Variants in SYNE1 observed in about 807,000 individuals in gnomAD.
SYNE1 encodes the protein nesprin-1.
In SYNE1, 616 loss-of-function variants were observed where a neutral mutation model predicts 1,111.0. The ratio of observed to expected loss-of-function variants is 0.55; its 90% confidence interval spans 0.52 to 0.59. SYNE1 has a LOEUF of 0.59. Among genes scored for constraint, SYNE1 ranks in the 20% least tolerant of loss-of-function variants. The pLI is 0.00. For synonymous variants in SYNE1, 3,855 were observed against 3,825.8 expected, an observed-to-expected ratio of 1.01 and a Z score of -0.28; for missense variants, 10,006 against 10,417.0, an observed-to-expected ratio of 0.96 and a Z score of 1.72.
intron 75 of SYNE1, among the ~76,000 whole-genome samples, chr6:152,337,490 C>G (rs546474072): frequency 6.6e-6 from 1 of 152,106 alleles, no homozygotes. Flanking sequence ...GGTTTCTCTA[C>G]GTTGGTCAGG....
In SYNE1 at chr6:152,136,817, T is replaced by G. The variant is rs775455354; in HGVS notation, c.25460A>C (p.Glu8487Ala). The G allele has an allele frequency of 6.2e-7, 1 of 1,614,012 alleles. No individual in the cohort carries two copies. The highest frequency in any genetic ancestry group is 8.5e-7 in the Non-Finnish European group (1 of 1,179,982). Reference protein sequence around the residue: ...TIELQIKKLKELQKAVDHRKA... With the variant: ...TIELQIKKLKALQKAVDHRKA... ...GCGGTGGTCCACAGCTTTCTGGAGC[T>G]CCTGAAAAGAACAAAAAAGACAATC... Residue 8487 changes from glutamate (E) to alanine (A), a missense_variant and splice_region_variant, in exon 141 of 146, where the codon GAG (glutamate) becomes GCG (alanine). Glu to Ala is a moderately radical substitution (Grantham distance 107, BLOSUM62 -1). This residue lies in a region of SYNE1 where 761 missense variants were observed against 795.5 expected (regional missense o/e 0.96). Transcript: ENST00000367255.
chr6:152,595,688 G>T (rs2099579021), intron 3 of SYNE1, among the ~76,000 whole-genome samples: 1 of 152,162 alleles, frequency 6.6e-6, no homozygotes, highest in African/African-American at 2.4e-5. Context: ...TAACAGAGCT[G>T]TTGTGGGAAA....
At chr6:152,254,728 C>A in intron 104 of SYNE1, 152 bp downstream of exon 104, 1 of 803,636 alleles carries the variant, frequency 1.2e-6, no homozygotes. Flanking sequence ...GCTTCTAATC[C>A]TTTAATTCAA....
At chr6:152,479,086 G>A (rs1288804227) in intron 14 of SYNE1, among the ~76,000 whole-genome samples, 1 of 152,150 alleles carries the variant, frequency 6.6e-6, no homozygotes, top group African/African-American at 2.4e-5. Flanking sequence ...GGAGAGGAAG[G>A]TACTTGACAA....
At chr6:152,338,208 A>G (rs1167473721) in intron 75 of SYNE1, among the ~76,000 whole-genome samples, 1 of 152,212 alleles carries the variant, frequency 6.6e-6, no homozygotes, top group Admixed American at 6.5e-5. Flanking sequence ...TTAAAAACAG[A>G]TTTGATAATA....
Position 152,313,961 on chromosome 6 carries a change from G to C in SYNE1, c.16710+2888C>G, listed in dbSNP as rs114812963. Among the ~76,000 whole-genome samples the C allele has an allele frequency of 2.5e-3, 386 of 152,164 alleles. 2 individuals are homozygous for C. Among genetic ancestry groups the C allele is most frequent in the African/African-American group, 8.7e-3 (363 of 41,536 alleles). ...TGGGAATCATCCTTGACTCCTCCCT[G>C]TCTTTCATCGTTGACTCCTCCCTCT... On this transcript the variant is annotated intron_variant, in intron 87 of 145. Coordinates refer to ENST00000367255, the MANE Select transcript of SYNE1 (RefSeq NM_182961.4).
At chr6:152,451,877 T>C (rs1356488702) in intron 25 of SYNE1, among the ~76,000 whole-genome samples, 1 of 152,118 alleles carries the variant, frequency 6.6e-6, no homozygotes, top group Non-Finnish European at 1.5e-5. Flanking sequence ...ATTTAAATCA[T>C]ACCCTTTCCC....
chr6:152,408,294 C>CA (rs1192455662), intron 44 of SYNE1, among the ~76,000 whole-genome samples: 1 of 152,114 alleles, frequency 6.6e-6, no homozygotes, highest in African/African-American at 2.4e-5. Context: ...CCAGAAAAAT[C>CA]AAGTGACTTG....
chr6:152,230,766 C>T (rs1374702460), intron 114 of SYNE1, 64 bp from the exon 115 acceptor site: 2 of 1,514,640 alleles, frequency 1.3e-6, no homozygotes, highest in Non-Finnish European at 1.8e-6. Context: ...CATTAGCAGA[C>T]TAATTATTCT....
At chr6:152,498,530 G>A (rs2099011670) in intron 11 of SYNE1, among the ~76,000 whole-genome samples, 1 of 152,088 alleles carries the variant, frequency 6.6e-6, no homozygotes, top group Non-Finnish European at 1.5e-5. Flanking sequence ...AGATTAATGG[G>A]CAAGTCCATG....
rs188207520 is a variant in SYNE1 at position 152,612,255 on chromosome 6, C to T, written c.67+16010G>A. Among the ~76,000 whole-genome samples the T allele has an allele frequency of 2.1e-3, 326 of 151,682 alleles. 1 individual carries two copies. The highest frequency in any genetic ancestry group is 3.7e-3 in the Non-Finnish European group (251 of 67,932). On this transcript the variant is annotated intron_variant, in intron 3 of 145. Coordinates refer to ENST00000367255, the MANE Select transcript of SYNE1 (RefSeq NM_182961.4). ...CAAAATTGATAGACTGCTAGCAAGA[C>T]TAATAAATAAGAAAAGAGATAAGAA...
At chr6:152,562,490 T>C (rs568339766) in intron 3 of SYNE1, among the ~76,000 whole-genome samples, 1 of 152,278 alleles carries the variant, frequency 6.6e-6, no homozygotes, top group Non-Finnish European at 1.5e-5. Context: ...AGTATGAAGA[T>C]TTCTCAAAAA....
intron 51 of SYNE1, among the ~76,000 whole-genome samples, chr6:152,393,051 C>G (rs1417904421): frequency 6.6e-6 from 1 of 152,132 alleles, no homozygotes; most frequent in Non-Finnish European, 1.5e-5. Flanking sequence ...CAGAAGTGGC[C>G]AGGATGGAGA....
Position 152,272,798 on chromosome 6 carries a change from C to A in SYNE1, c.18574-3512G>T, listed in dbSNP as rs1342579733. On this transcript the variant is annotated intron_variant, in intron 98 of 145. Transcript: ENST00000367255. ...TTCCAACCCTCCTGAATCATCCAAG[C>A]CCCAATTAAAGAGCATTAACATTGC... Among the ~76,000 whole-genome samples, 3 of 152,194 alleles carry A rather than the reference C, an allele frequency of 2.0e-5. No individual in the cohort carries two copies. In the East Asian group the frequency reaches 5.8e-4, roughly 29 times the overall value.
At chr6:152,302,880 A>G (rs529019951) in intron 91 of SYNE1, among the ~76,000 whole-genome samples, 1 of 152,262 alleles carries the variant, frequency 6.6e-6, no homozygotes, top group East Asian at 1.9e-4. Flanking sequence ...TAAATATTTT[A>G]TTAAGAGCTT....
chr6:152,162,357 C>G (rs1260039784), intron 131 of SYNE1, among the ~76,000 whole-genome samples: 1 of 152,200 alleles, frequency 6.6e-6, no homozygotes, highest in African/African-American at 2.4e-5. Context: ...CTCCTGTTCT[C>G]TTTGCCATTG....
intron 2 of SYNE1, among the ~76,000 whole-genome samples, chr6:152,634,920 C>T (rs771229245): frequency 1.3e-5 from 2 of 152,224 alleles, no homozygotes; most frequent in Non-Finnish European, 2.9e-5. Context: ...GCGTTTGGGC[C>T]CTGCATGCCT....
intron 46 of SYNE1, among the ~76,000 whole-genome samples, chr6:152,403,116 G>T (rs780471488): frequency 3.5e-4 from 54 of 152,158 alleles, no homozygotes; most frequent in Non-Finnish European, 7.1e-4. Flanking sequence ...AAGAAGAAAG[G>T]AAATGTAGAG....
chr6:152,397,048 A>G, intron 49 of SYNE1, 68 bp from the exon 50 acceptor site: 1 of 1,520,504 alleles, frequency 6.6e-7, no homozygotes. Context: ...GAAGTAGTAA[A>G]GCAGGAGAAG....
Sources: gnomAD v4.1 joint callset for allele counts (sites outside exome capture counted in the v4.1 genomes callset) on GRCh38, gnomAD v4.1.1 for gene constraint, gnomAD v4.1.1 regional missense constraint, MANE v1.5 for transcripts, NCBI Gene and HGNC (gene_info 2026-07-23, HGNC 2026-07-21) for gene names.